AFF3: variants seen among roughly 807,000 people sequenced by gnomAD.
The protein encoded by AFF3 is AF4/FMR2 family member 3.
A neutral mutation model predicts 129.7 loss-of-function variants in AFF3; 32 were observed. That is an observed-to-expected ratio of 0.25 (90% CI 0.19 to 0.33). The LOEUF (loss-of-function observed/expected upper bound fraction) is 0.33, where lower values mean the gene tolerates loss of function less well. Ranked by LOEUF, AFF3 falls within the 10% of genes least tolerant of loss-of-function variation. The pLI is 1.00. For synonymous variants in AFF3, 644 were observed against 635.4 expected (o/e 1.01, Z -0.20); for missense variants, 1,373 against 1,592.0 (o/e 0.86, Z 2.34).
intron 7 of AFF3, among the ~76,000 whole-genome samples, chr2:99,899,943 C>T (rs1196450531): frequency 6.6e-6 from 1 of 152,144 alleles, no homozygotes; most frequent in East Asian, 1.9e-4. Flanking sequence ...ATGGTGTGCA[C>T]TCTGAAGTGG....
chr2:99,556,418 G>A (rs542722204), intron 22 of AFF3, among the ~76,000 whole-genome samples: 1 of 152,246 alleles, frequency 6.6e-6, no homozygotes, highest in East Asian at 1.9e-4. Flanking sequence ...CTCCAGCCTG[G>A]GTGACGGAGC....
intron 11 of AFF3, among the ~76,000 whole-genome samples, chr2:99,704,425 G>A (rs577768291): frequency 6.6e-6 from 1 of 152,250 alleles, no homozygotes; most frequent in East Asian, 1.9e-4. Flanking sequence ...GCACTCTGTA[G>A]ACACTAACAT....
At chr2:99,927,925 A>T (rs1696382808) in intron 7 of AFF3, among the ~76,000 whole-genome samples, 1 of 152,096 alleles carries the variant, frequency 6.6e-6, no homozygotes, top group South Asian at 2.1e-4. Flanking sequence ...TGACTGAATC[A>T]CAGGGACAGG....
At chr2:99,696,505 G>C (rs543752383) in intron 11 of AFF3, among the ~76,000 whole-genome samples, 9 of 152,310 alleles carry the variant, frequency 5.9e-5, no homozygotes, top group African/African-American at 2.2e-4. Context: ...ACGAAGAGAA[G>C]AGAATCAGGT....
At chr2:100,041,173 AG>A (rs1685396548) in intron 4 of AFF3, among the ~76,000 whole-genome samples, 1 of 152,226 alleles carries the variant, frequency 6.6e-6, no homozygotes, top group Non-Finnish European at 1.5e-5. Flanking sequence ...TTCACACGGA[AG>A]CTACTAAATG....
intron 7 of AFF3, among the ~76,000 whole-genome samples, chr2:99,898,137 T>C (rs1476579538): frequency 6.6e-6 from 1 of 152,230 alleles, no homozygotes; most frequent in African/African-American, 2.4e-5. Flanking sequence ...TCCTTCCTGT[T>C]ATTAACAAAA....
intron 7 of AFF3, among the ~76,000 whole-genome samples, chr2:99,883,365 C>T (rs1692870409): frequency 6.6e-6 from 1 of 152,192 alleles, no homozygotes; most frequent in South Asian, 2.1e-4. Flanking sequence ...AGACTTTTAA[C>T]CAGACCTAAA....
At chr2:99,957,218 G>A (rs1176800581) in intron 7 of AFF3, among the ~76,000 whole-genome samples, 4 of 152,058 alleles carry the variant, frequency 2.6e-5, no homozygotes, top group Non-Finnish European at 4.4e-5. Context: ...TTTTTAGGTA[G>A]AGACCAATTA....
At chr2:99,652,936 G>A (rs1301851665) in intron 12 of AFF3, among the ~76,000 whole-genome samples, 1 of 152,180 alleles carries the variant, frequency 6.6e-6, no homozygotes, top group East Asian at 1.9e-4. Context: ...AGAGGCAGGG[G>A]AAGAGGACCG....
chr2:99,595,761 C>T lies in AFF3; in HGVS notation c.1372-1472G>A, dbSNP rs1236042701. ...TAGAAGCAGGGGCCTTGGCTGAGTCCGGGCACAACTCAGGGAAATGGGAAG... is the reference window on the plus strand; with the variant it reads ...TAGAAGCAGGGGCCTTGGCTGAGTCTGGGCACAACTCAGGGAAATGGGAAG... On this transcript the variant is annotated intron_variant, in intron 14 of 24. Transcript: ENST00000672756. 3.3e-5 allele frequency among the ~76,000 whole-genome samples: 5 copies of T among 152,222 alleles called. No homozygotes were observed. In the South Asian group the frequency reaches 1.0e-3, roughly 32 times the overall value.
chr2:99,869,032 C>CCCTCTG (rs140084118), intron 7 of AFF3, among the ~76,000 whole-genome samples: 2 of 151,314 alleles, frequency 1.3e-5, no homozygotes, highest in African/African-American at 4.9e-5. Flanking sequence ...CTCAAGTGAT[C>CCCTCTG]CCTCTGCCTC....
intron 7 of AFF3, among the ~76,000 whole-genome samples, chr2:99,982,792 T>C (rs1679527760): frequency 6.6e-6 from 1 of 152,122 alleles, no homozygotes; most frequent in Non-Finnish European, 1.5e-5. Context: ...AGAAAGGAAT[T>C]ATGATTTAAA....
intron 11 of AFF3, among the ~76,000 whole-genome samples, chr2:99,704,730 C>T (rs1482133220): frequency 2.0e-5 from 3 of 152,154 alleles, no homozygotes; most frequent in African/African-American, 7.2e-5. Flanking sequence ...TTCCTATATC[C>T]AGTAATACTC....
chr2:99,795,218 G>T (rs1685477415), intron 8 of AFF3, among the ~76,000 whole-genome samples: 1 of 152,106 alleles, frequency 6.6e-6, no homozygotes, highest in South Asian at 2.1e-4. Context: ...CCATGAAAAA[G>T]AATGAAATCA....
At chr2:99,649,439 T>C (rs1383759254) in intron 13 of AFF3, among the ~76,000 whole-genome samples, 187 bp downstream of exon 13, 2 of 152,182 alleles carry the variant, frequency 1.3e-5, no homozygotes, top group East Asian at 3.8e-4. Context: ...TGCTATGAAA[T>C]ACAACAAGGC....
chr2:99,810,656 G>A (rs1686718626), intron 8 of AFF3, among the ~76,000 whole-genome samples: 1 of 152,168 alleles, frequency 6.6e-6, no homozygotes. Context: ...GTGTGTGTGT[G>A]TGTTGGCTTT....
chr2:99,588,937 G>C (rs558161000), intron 15 of AFF3, among the ~76,000 whole-genome samples: 1 of 152,310 alleles, frequency 6.6e-6, no homozygotes, highest in East Asian at 1.9e-4. Context: ...AGTACAGCCA[G>C]GTGTCAGGCT....
At chr2:99,830,306 T>TA (rs1228931966) in intron 8 of AFF3, among the ~76,000 whole-genome samples, 4 of 151,718 alleles carry the variant, frequency 2.6e-5, no homozygotes, top group South Asian at 4.2e-4. Context: ...AAAATAAAAA[T>TA]AAAAAAACAA....
At chr2:99,894,507 C>T (rs1438319258) in intron 7 of AFF3, among the ~76,000 whole-genome samples, 6 of 150,304 alleles carry the variant, frequency 4.0e-5, no homozygotes, top group East Asian at 3.9e-4. Flanking sequence ...CTCGCTCTGT[C>T]GCCCAGGCTG....
Sources: allele counts gnomAD v4.1 joint callset (sites outside exome capture counted in the v4.1 genomes callset), GRCh38; gene constraint gnomAD v4.1.1; transcripts MANE v1.5; gene names NCBI Gene and HGNC (gene_info 2026-07-23, HGNC 2026-07-21).